Variants in KRT34 observed in about 807,000 individuals in gnomAD.
KRT34 encodes the protein keratin, type I cuticular Ha4.
In KRT34, 31 loss-of-function variants were observed where a neutral mutation model predicts 41.7. That is an observed-to-expected ratio of 0.74 (90% CI 0.56 to 1.00). KRT34 has a LOEUF of 1.00. KRT34 is among the 50% of genes least tolerant of loss of function. The probability of loss-of-function intolerance (pLI) is 0.00; values close to 1 mark genes in which losing one functional copy is unlikely to be tolerated. For missense variants in KRT34, 523 were observed against 500.3 expected, an observed-to-expected ratio of 1.05 and a Z score of -0.43; for synonymous variants, 224 against 212.9, an observed-to-expected ratio of 1.05 and a Z score of -0.45.
rs1168203311 is a variant in KRT34 at position 41,382,250 on chromosome 17, G to A, written c.-4C>T. ...GCAGGCAACAACTGTAAGACATGGT[G>A]CTGGAACAGGTAATGGAAAAGCAGG... On this transcript the variant is annotated 5_prime_UTR_variant, in exon 1 of 7. Coordinates refer to ENST00000394001, the MANE Select transcript of KRT34 (RefSeq NM_001386014.1). The A allele has an allele frequency of 1.2e-6, 2 of 1,612,904 alleles. No homozygotes were observed. The highest frequency in any genetic ancestry group is 1.7e-6 in the Non-Finnish European group (2 of 1,180,036).
rs1043572213 is a variant in KRT34 at position 41,379,117 on chromosome 17, G to A, written c.936C>T (p.Ser312=). ...ESEAHYSSQL[S]QVQSLITNVE... ...CGTTGGTGATCAGGCTCTGCACCTG[G>A]GACAGCTGGGAGCTGTAGTGGGCCT... The change falls in exon 6 of 7, where the codon TCC becomes TCT. Residue 312 remains serine, a synonymous_variant. Coordinates refer to ENST00000394001, the MANE Select transcript of KRT34 (RefSeq NM_001386014.1). The A allele has an allele frequency of 6.2e-7, 1 of 1,614,208 alleles. No individual in the cohort carries two copies. The highest frequency in any genetic ancestry group is 1.3e-5 in the African/African-American group (1 of 75,054).
rs754757891 is a variant in KRT34, at chr17:41,379,157, G to A, written c.896C>T (p.Thr299Met). The A allele has an allele frequency of 1.3e-4, 208 of 1,614,110 alleles. No individual in the cohort carries two copies. The highest frequency in any genetic ancestry group is 1.6e-4 in the Non-Finnish European group (190 of 1,180,040). Residue 299 changes from threonine (T) to methionine (M), a missense_variant, in exon 6 of 7, where the codon ACG becomes ATG. By Grantham distance (81) the Thr-to-Met change is moderately conservative. Coordinates refer to ENST00000394001, the MANE Select transcript of KRT34 (RefSeq NM_001386014.1). ...QHNLRDSLEN[T>M]LTESEAHYSS... ...GTAGTGGGCCTCGCTCTCCGTCAGC[G>A]TGTTTTCCAGAGAGTCTCGCTGTGG... is the stretch of plus-strand genomic sequence containing the variant.
upstream of KRT34, chr17:41,382,312 T>G (rs373687682): frequency 3.7e-6 from 6 of 1,613,206 alleles, no homozygotes; most frequent in Non-Finnish European, 4.2e-6. Context: ...GGTTTGAGTC[T>G]CTCCTTCCTC....
chr17:41,378,193 T>C (rs542112615), intron 6 of KRT34, 47 bp from the exon 7 acceptor site: 44 of 1,209,300 alleles, frequency 3.6e-5, no homozygotes, highest in Non-Finnish European at 5.0e-5. Flanking sequence ...GAGGTTTTAA[T>C]GCACACAATA....
At position 41,379,032 on chromosome 17, in the gene KRT34, C is replaced by T. The variant is rs61740667; in HGVS notation, c.1021G>A (p.Val341Met). 4.8e-4 allele frequency: 780 copies of T among 1,614,212 alleles called. 1 individual carries two copies. The African/African-American group carries it at 9.1e-3, about 19-fold the overall frequency. ...DLERQNQEYQ[V>M]LLDVRARLEC... ...AGCCGGGCACGCACGTCCAGCAGCACCTGGTACTCCTGGTTCTGCCGCTCC... is the reference window on the plus strand; with the variant it reads ...AGCCGGGCACGCACGTCCAGCAGCATCTGGTACTCCTGGTTCTGCCGCTCC... Residue 341 changes from valine (V) to methionine (M), a missense_variant, in exon 6 of 7, where the codon GTG becomes ATG. Coordinates refer to ENST00000394001, the MANE Select transcript of KRT34 (RefSeq NM_001386014.1).
intron 6 of KRT34, 35 bp downstream of exon 6, chr17:41,378,921 A>G (rs2017905644): frequency 6.2e-7 from 1 of 1,613,074 alleles, no homozygotes; most frequent in South Asian, 1.1e-5. Flanking sequence ...CCCACTGTAC[A>G]CATTCTTCCC....
At chr17:41,380,555 A>C (rs1025199584) in intron 3 of KRT34, among the ~76,000 whole-genome samples, 2 of 151,662 alleles carry the variant, frequency 1.3e-5, no homozygotes, top group Non-Finnish European at 2.9e-5. Context: ...TGAAACACCC[A>C]AGTACTGGAA....
intron 3 of KRT34, among the ~76,000 whole-genome samples, chr17:41,380,255 CA>C (rs35215699): frequency 0.019 from 2,644 of 136,078 alleles, 44 homozygotes; most frequent in East Asian, 0.1. Flanking sequence ...ATGACTCCGT[CA>C]AAAAAAAAAA....
chr17:41,383,013 G>T (rs944986520), upstream of KRT34, among the ~76,000 whole-genome samples: 2 of 150,846 alleles, frequency 1.3e-5, no homozygotes, highest in African/African-American at 2.4e-5. Flanking sequence ...GTTTTTGTTT[G>T]TTTGTTTTCT....
At chr17:41,378,224 C>T in intron 6 of KRT34, 78 bp from the exon 7 acceptor site, 1 of 905,300 alleles carries the variant, frequency 1.1e-6, no homozygotes, top group Non-Finnish European at 1.8e-6. Context: ...AATGACACAA[C>T]CTATGAATTC....
At chr17:41,382,739 AT>A (rs1485422095), upstream of KRT34, among the ~76,000 whole-genome samples, 1 of 152,208 alleles carries the variant, frequency 6.6e-6, no homozygotes, top group Non-Finnish European at 1.5e-5. Flanking sequence ...TTCCTCCCAC[AT>A]TCATCCATGT....
chr17:41,381,942 C>T lies in KRT34; in HGVS notation c.305G>A (p.Ser102Asn), dbSNP rs756190282. The change falls in exon 1 of 7, where the codon AGC becomes AAC. Residue 102 changes from serine to asparagine, a missense_variant. Physicochemically the swap from Ser to Asn is conservative, Grantham distance 46. Transcript: ENST00000394001. ...AATGGTCTTGAAGTAGGACTGGTAG[C>T]TGGGGCACAGCAAGGGCTCCTGCTG... Reference protein sequence around the residue: ...SQQQEPLLCPSYQSYFKTIEE... With the variant: ...SQQQEPLLCPNYQSYFKTIEE... 4.3e-6 allele frequency: 7 copies of T among 1,614,272 alleles called. No homozygotes were observed. The South Asian group carries it at 7.7e-5, about 18-fold the overall frequency.
rs61740667 is a variant in KRT34, at chr17:41,379,032, C to G, written c.1021G>C (p.Val341Leu). The change falls in exon 6 of 7, where the codon GTG becomes CTG. Residue 341 changes from valine (V) to leucine (L), a missense_variant. Transcript: ENST00000394001. ...AGCCGGGCACGCACGTCCAGCAGCA[C>G]CTGGTACTCCTGGTTCTGCCGCTCC... ...DLERQNQEYQ[V>L]LLDVRARLEC... 4 of 1,614,216 alleles carry G rather than the reference C, an allele frequency of 2.5e-6. No homozygotes were observed. The South Asian group carries it at 3.3e-5, about 13-fold the overall frequency.
In KRT34 at chr17:41,381,920, G is replaced by A. The variant is rs1259648623; in HGVS notation, c.327C>T (p.Thr109=). The A allele has an allele frequency of 6.2e-7, 1 of 1,614,236 alleles. No individual in the cohort carries two copies. The highest frequency in any genetic ancestry group is 8.5e-7 in the Non-Finnish European group (1 of 1,180,030). The part of the protein sequence containing the change: ...LCPSYQSYFK[T]IEELQQKILC... ...TCACCTTCTGCTGGAGCTCCTCAAT[G>A]GTCTTGAAGTAGGACTGGTAGCTGG... Residue 109 remains threonine, a synonymous_variant, in exon 1 of 7, where the codon ACC becomes ACT. Coordinates refer to ENST00000394001, the MANE Select transcript of KRT34 (RefSeq NM_001386014.1).
upstream of KRT34, among the ~76,000 whole-genome samples, chr17:41,382,670 T>C (rs1413930899): frequency 6.6e-6 from 1 of 152,188 alleles, no homozygotes; most frequent in Non-Finnish European, 1.5e-5. Context: ...CACTGTTCTT[T>C]CTCCCCAGAG....
rs79458943 is a variant in KRT34 at position 41,381,777 on chromosome 17, C to G, written c.367G>C (p.Glu123Gln). The change falls in exon 2 of 7, where the codon GAG becomes CAG. Residue 123 changes from glutamate (E) to glutamine (Q), a missense_variant. By Grantham distance (29) the Glu-to-Gln change is conservative. Transcript: ENST00000394001. ...ATGTTCACCACCAGCCTGGCATTCT[C>G]AGCCTTGGCACACAGAATCTGAAAA... ...LQQKILCAKA[E>Q]NARLVVNIDN... 5.6e-5 allele frequency: 90 copies of G among 1,614,240 alleles called. No homozygotes were observed. The African/African-American group carries it at 9.6e-4, about 17-fold the overall frequency.
intron 3 of KRT34, among the ~76,000 whole-genome samples, chr17:41,380,717 A>G (rs2144329347): frequency 6.6e-6 from 1 of 152,230 alleles, no homozygotes; most frequent in East Asian, 1.9e-4. Flanking sequence ...TCTATACTAG[A>G]CTGTGAGCTC....
chr17:41,378,114 G>A lies in KRT34; in HGVS notation c.1130C>T (p.Ala377Val), dbSNP rs116116504. The A allele has an allele frequency of 6.9e-4, 1,116 of 1,613,766 alleles. 8 individuals are homozygous for A. The African/African-American group carries it at 0.013, about 18-fold the overall frequency. ...LPCNPCATTN[A>V]SGNSCGPCGT... ...ACAGGGTCCACAGGAGTTGCCACTA[G>A]CATTGGTGGTGGCGCATGGGTTGCA... The change falls in exon 7 of 7, where the codon GCT becomes GTT. Residue 377 changes from alanine (A) to valine (V), a missense_variant. Physicochemically the swap from Ala to Val is moderately conservative, Grantham distance 64. Transcript: ENST00000394001.
chr17:41,380,948 G>T, intron 3 of KRT34, 108 bp downstream of exon 3: 2 of 1,055,978 alleles, frequency 1.9e-6, no homozygotes, highest in Non-Finnish European at 2.9e-6. Context: ...AACATCTTGA[G>T]TTCCTCAGAG....
Sources: gnomAD v4.1 joint callset for allele counts (sites outside exome capture counted in the v4.1 genomes callset) on GRCh38, gnomAD v4.1.1 for gene constraint, MANE v1.5 for transcripts, NCBI Gene and HGNC (gene_info 2026-07-23, HGNC 2026-07-21) for gene names.